Variants in RUNX1T1 observed in about 807,000 individuals in gnomAD.
RUNX1T1 encodes RUNX1 partner transcriptional co-repressor 1, also known as protein CBFA2T1.
A neutral mutation model predicts 62.8 loss-of-function variants in RUNX1T1; 4 were observed. The ratio of observed to expected loss-of-function variants is 0.06; its 90% CI spans 0.03 to 0.15. The LOEUF is 0.15. Ranked by LOEUF, RUNX1T1 falls within the 10% of genes least tolerant of loss-of-function variation. RUNX1T1 has a pLI of 1.00. For missense variants in RUNX1T1, 508 were observed against 754.3 expected, an observed-to-expected ratio of 0.67 and a Z score of 3.82; for synonymous variants, 291 against 286.0, an observed-to-expected ratio of 1.02 and a Z score of -0.18.
At chr8:92,100,171 C>T (rs1451854116), upstream of RUNX1T1, among the ~76,000 whole-genome samples, 2 of 152,096 alleles carry the variant, frequency 1.3e-5, no homozygotes, top group African/African-American at 4.8e-5. Flanking sequence ...TTTTAAAGAT[C>T]ATTTTAACAC....
upstream of RUNX1T1, among the ~76,000 whole-genome samples, chr8:92,064,639 AC>A (rs1270348519): frequency 1.3e-5 from 2 of 152,094 alleles, no homozygotes; most frequent in Non-Finnish European, 2.9e-5. Context: ...TTAGTACTAT[AC>A]TTATGTTAGA....
At chr8:92,043,831 A>G (rs992251971) in intron 1 of RUNX1T1, among the ~76,000 whole-genome samples, 8 of 151,986 alleles carry the variant, frequency 5.3e-5, no homozygotes, top group African/African-American at 1.7e-4. Context: ...ACAAAAAATT[A>G]GGTGGGCATG....
At chr8:92,009,958 G>T (rs1049484994) in intron 4 of RUNX1T1, 2 of 152,056 alleles carry the variant, frequency 1.3e-5, no homozygotes, top group Admixed American at 6.5e-5. Flanking sequence ...ATAACAACAG[G>T]AAAGACTAAT....
chr8:92,097,037 T>G (rs1471370011), intron 1 of RUNX1T1, among the ~76,000 whole-genome samples: 1 of 151,990 alleles, frequency 6.6e-6, no homozygotes, highest in East Asian at 1.9e-4. Context: ...TAAAAGAAAT[T>G]TGATAGGTAA....
intron 8 of RUNX1T1, among the ~76,000 whole-genome samples, chr8:91,980,571 T>A (rs1046503008): frequency 6.6e-6 from 1 of 152,236 alleles, no homozygotes; most frequent in Non-Finnish European, 1.5e-5. Flanking sequence ...AAAATACTTA[T>A]GAATCCACTG....
chr8:92,060,549 ATATATGTGTGTGTGTGTG>A (rs1831796707), intron 1 of RUNX1T1, among the ~76,000 whole-genome samples: 4 of 107,044 alleles, frequency 3.7e-5, no homozygotes, highest in Admixed American at 1.8e-4. Context: ...ATATATATAT[ATATATGTGTGTGTGTGTG>A]TGTGTGTGTG....
intron 5 of RUNX1T1, among the ~76,000 whole-genome samples, chr8:91,992,261 C>T (rs1018950358): frequency 5.9e-5 from 9 of 152,284 alleles, no homozygotes; most frequent in African/African-American, 2.2e-4. Context: ...GATGAAGATT[C>T]ATCAAGGTAA....
Position 91,990,179 on chromosome 8 carries a change from C to CA in RUNX1T1, c.910+1459dup, listed in dbSNP as rs1293402990. Among the ~76,000 whole-genome samples the CA allele has an allele frequency of 2.6e-5, 4 of 152,048 alleles. 1 individual carries two copies. Among genetic ancestry groups the CA allele is most frequent in the Admixed American group, 2.0e-4 (3 of 15,272 alleles). ...GCTCTCTCTGCCTGTGGCAAAAAAA[C>CA]AAAAAAACAAACAAAAAAACAACCA... On this transcript the variant is annotated intron_variant, in intron 6 of 10. Coordinates refer to ENST00000396218, the Ensembl canonical transcript of RUNX1T1.
intron 4 of RUNX1T1, among the ~76,000 whole-genome samples, chr8:92,008,408 A>T (rs1341414329): frequency 6.6e-6 from 1 of 151,132 alleles, no homozygotes; most frequent in Non-Finnish European, 1.5e-5. Context: ...ACACACACAC[A>T]CACACACACA....
rs988277020 is a variant in RUNX1T1, at chr8:92,010,155, T to G, written c.477+847A>C. 3 of 152,338 alleles carry G rather than the reference T, an allele frequency of 2.0e-5. No homozygotes were observed. In the South Asian group the frequency reaches 6.2e-4, roughly 32 times the overall value. The allele number at this position is 152,338 out of a possible 1,614,324, so 9.4% of individuals were successfully genotyped here. On this transcript the variant is annotated intron_variant, in intron 4 of 10. Transcript: ENST00000396218. The stretch of plus-strand genomic sequence containing the variant: ...AACCAGACAGAAAGGTAAATCCTCC[T>G]TGGCAAATAATTAAATCAGAGGCTT...
At chr8:92,062,456 C>T (rs761057206) in intron 1 of RUNX1T1, 150 of 1,387,318 alleles carry the variant, frequency 1.1e-4, no homozygotes, top group Non-Finnish European at 1.3e-4. Flanking sequence ...ATACAACACG[C>T]TGTGGGGCAG....
At chr8:91,977,603 G>T (rs1814252775) in intron 8 of RUNX1T1, among the ~76,000 whole-genome samples, 1 of 152,094 alleles carries the variant, frequency 6.6e-6, no homozygotes, top group Non-Finnish European at 1.5e-5. Context: ...ACAACACAGA[G>T]ATTTACTTAT....
intron 10 of RUNX1T1, among the ~76,000 whole-genome samples, chr8:91,970,375 C>A (rs1218734686): frequency 6.6e-6 from 1 of 152,150 alleles, no homozygotes; most frequent in African/African-American, 2.4e-5. Context: ...CAGACACACA[C>A]AGCCAAGCTA....
chr8:92,069,538 C>A (rs1476962193), intron 2 of RUNX1T1, among the ~76,000 whole-genome samples: 1 of 152,098 alleles, frequency 6.6e-6, no homozygotes, highest in African/African-American at 2.4e-5. Context: ...TAATCTGCCA[C>A]GTTTATAAAC....
At chr8:92,103,136 G>C (rs1808449830), upstream of RUNX1T1, 1 of 390,212 alleles carries the variant, frequency 2.6e-6, no homozygotes, top group South Asian at 9.7e-5. Context: ...TCCACGCAGA[G>C]CCCAAGACTT....
chr8:92,050,845 C>T (rs1358682584), intron 1 of RUNX1T1, among the ~76,000 whole-genome samples: 1 of 152,112 alleles, frequency 6.6e-6, no homozygotes, highest in Non-Finnish European at 1.5e-5. Context: ...AGAATAAATC[C>T]CCAACTTCTA....
rs561552888 is a variant in RUNX1T1 at position 92,004,876 on chromosome 8, C to T, written c.659+240G>A. The stretch of plus-strand genomic sequence containing the variant: ...GAAAAATCATTCGTCTTCACCATTT[C>T]GCTTTAATACTACAAGCAGAAAAGA... On this transcript the variant is annotated intron_variant, in intron 5 of 10. Transcript: ENST00000396218. 1.7e-4 allele frequency: 65 copies of T among 391,414 alleles called. No homozygotes were observed. In the South Asian group the frequency reaches 2.5e-3, roughly 15 times the overall value. The allele number at this position is 391,414 out of a possible 1,614,324, so 24.2% of individuals were successfully genotyped here. A position where few individuals can be genotyped will look rare whatever the true frequency, so the allele number is the denominator to read the frequency against.
chr8:92,097,189 CG>C (rs1563952276), intron 1 of RUNX1T1, among the ~76,000 whole-genome samples: 1 of 152,048 alleles, frequency 6.6e-6, no homozygotes, highest in East Asian at 1.9e-4. Context: ...ATCACTGAGA[CG>C]AGAACAAGGT....
At chr8:91,957,631 G>C (rs930623443), downstream of RUNX1T1, 1 of 228,506 alleles carries the variant, frequency 4.4e-6, no homozygotes, top group Non-Finnish European at 8.7e-6. Flanking sequence ...ACAGCTTCTA[G>C]AGATAAAGAC....
Sources: gnomAD v4.1 joint callset for allele counts (sites outside exome capture counted in the v4.1 genomes callset) on GRCh38, gnomAD v4.1.1 for gene constraint, MANE v1.5 for transcripts, NCBI Gene and HGNC (gene_info 2026-07-23, HGNC 2026-07-21) for gene names.